AP2B1: variants seen among roughly 807,000 people sequenced by gnomAD.
The protein encoded by AP2B1 is adaptor related protein complex 2 subunit beta 1.
A neutral mutation model predicts 102.0 loss-of-function variants in AP2B1; 23 were observed. The observed-to-expected ratio is 0.23, with a 90% confidence interval of 0.16 to 0.32. AP2B1 has a LOEUF of 0.32. AP2B1 is among the 10% of genes least tolerant of loss of function. The pLI is 1.00. For missense variants in AP2B1, 541 were observed against 1,157.4 expected, an observed-to-expected ratio of 0.47 and a Z score of 7.73; for synonymous variants, 381 against 421.2, an observed-to-expected ratio of 0.90 and a Z score of 1.17.
intron 2 of AP2B1, chr17:35,596,926 C>T: frequency 4.2e-6 from 3 of 708,654 alleles, no homozygotes; most frequent in Non-Finnish European, 7.9e-6. Context: ...CCCCGATGCC[C>T]TATGCCAGGA....
intron 18 of AP2B1, among the ~76,000 whole-genome samples, chr17:35,686,564 C>CTTTT (rs1307158833): frequency 6.6e-6 from 1 of 152,176 alleles, no homozygotes; most frequent in Non-Finnish European, 1.5e-5. Context: ...GCTTGGCCTC[C>CTTTT]TTTTTCCAGG....
chr17:35,653,419 C>T (rs916633926), intron 13 of AP2B1, among the ~76,000 whole-genome samples: 3 of 152,212 alleles, frequency 2.0e-5, no homozygotes, highest in Non-Finnish European at 4.4e-5. Flanking sequence ...AAGCTTACTT[C>T]TCTAGCTCTG....
At chr17:35,703,563 G>A (rs2076281690) in intron 18 of AP2B1, among the ~76,000 whole-genome samples, 1 of 152,138 alleles carries the variant, frequency 6.6e-6, no homozygotes, top group African/African-American at 2.4e-5. Flanking sequence ...ATTATCCTTA[G>A]CAAACTAACA....
At chr17:35,670,033 T>G (rs916862675) in intron 14 of AP2B1, among the ~76,000 whole-genome samples, 16 of 152,242 alleles carry the variant, frequency 1.1e-4, no homozygotes, top group Admixed American at 8.5e-4. Flanking sequence ...GAAGACCGAC[T>G]TCAGAGTGAA....
At chr17:35,606,058 C>T (rs1329153273) in intron 4 of AP2B1, among the ~76,000 whole-genome samples, 1 of 152,110 alleles carries the variant, frequency 6.6e-6, no homozygotes, top group Non-Finnish European at 1.5e-5. Flanking sequence ...TAGAAGAAAA[C>T]CTGGTGAAAC....
At chr17:35,611,380 C>G (rs74876107) in intron 5 of AP2B1, among the ~76,000 whole-genome samples, 1 of 152,156 alleles carries the variant, frequency 6.6e-6, no homozygotes, top group Non-Finnish European at 1.5e-5. Context: ...GGCAGCATCT[C>G]TATGCTAATG....
At chr17:35,715,397 G>A (rs1316231151) in intron 20 of AP2B1, among the ~76,000 whole-genome samples, 1 of 152,208 alleles carries the variant, frequency 6.6e-6, no homozygotes, top group Non-Finnish European at 1.5e-5. Flanking sequence ...TAGGAATCTG[G>A]CCCTTGCCAC....
intron 10 of AP2B1, among the ~76,000 whole-genome samples, chr17:35,637,544 G>A (rs2074643361): frequency 6.6e-6 from 1 of 151,990 alleles, no homozygotes; most frequent in South Asian, 2.1e-4. Context: ...GCTTAGTGGT[G>A]GGCTCAAGAA....
At chr17:35,635,541 G>A (rs990785517) in intron 9 of AP2B1, among the ~76,000 whole-genome samples, 2 of 151,594 alleles carry the variant, frequency 1.3e-5, no homozygotes, top group Non-Finnish European at 2.9e-5. Context: ...CTGCCACCAC[G>A]CCCGGCTAAT....
chr17:35,608,466 T>G, intron 5 of AP2B1, 79 bp downstream of exon 5: 1 of 1,529,252 alleles, frequency 6.5e-7, no homozygotes, highest in Non-Finnish European at 9.0e-7. Flanking sequence ...ATGAACCTTG[T>G]CTTTGGAATA....
At position 35,633,129 on chromosome 17, in the gene AP2B1, G is replaced by A. The variant is rs150797707; in HGVS notation, c.1156-3212G>A. Among the ~76,000 whole-genome samples, 364 of 152,174 alleles carry A rather than the reference G, an allele frequency of 2.4e-3. 1 individual carries two copies. Among genetic ancestry groups the A allele is most frequent in the African/African-American group, 8.1e-3 (337 of 41,506 alleles). On this transcript the variant is annotated intron_variant, in intron 9 of 21. Coordinates refer to ENST00000610402, the MANE Select transcript of AP2B1 (RefSeq NM_001030006.2). ...TCTAATCCCAGCGCTTTGGGAGGCC[G>A]AGTTGGGCGGATCATGAGGTCAGGA...
chr17:35,610,905 C>T (rs2073841447), intron 5 of AP2B1, among the ~76,000 whole-genome samples: 1 of 56,542 alleles, frequency 1.8e-5, no homozygotes, highest in Non-Finnish European at 3.3e-5. Flanking sequence ...AGACTCTTGT[C>T]TCAAAAAAAA....
chr17:35,647,635 G>C (rs1486712376), intron 12 of AP2B1, among the ~76,000 whole-genome samples: 3 of 151,992 alleles, frequency 2.0e-5, no homozygotes, highest in Non-Finnish European at 4.4e-5. Flanking sequence ...TGTTCTATAT[G>C]CTTTTCGTCT....
chr17:35,714,871 C>A (rs1236890848), intron 20 of AP2B1, among the ~76,000 whole-genome samples: 1 of 152,184 alleles, frequency 6.6e-6, no homozygotes, highest in African/African-American at 2.4e-5. Context: ...TATTACATTA[C>A]ATTCTCATTA....
In AP2B1 at chr17:35,630,510, CAT is replaced by C. The variant is rs1442619147; in HGVS notation, c.1155+2786_1155+2787del. ...TGGTTTTGTTCTCTTCACTAGTGTA[CAT>C]AGCCATCTTTTCCACAAGACTGCCA... On this transcript the variant is annotated intron_variant, in intron 9 of 21. Transcript: ENST00000610402. Among the ~76,000 whole-genome samples, 3 of 152,138 alleles carry C rather than the reference CAT, an allele frequency of 2.0e-5. No individual in the cohort carries two copies. In the East Asian group the frequency reaches 5.8e-4, roughly 29 times the overall value.
At chr17:35,723,502 T>C (rs1187973950) in intron 21 of AP2B1, 123 bp from the exon 22 acceptor site, 1 of 655,598 alleles carries the variant, frequency 1.5e-6, no homozygotes, top group Non-Finnish European at 2.8e-6. Context: ...TTTGTTTAGC[T>C]ACTCCAGTGA....
At position 35,671,013 on chromosome 17, in the gene AP2B1, C is replaced by G. The variant is rs1205527646; in HGVS notation, c.2031+115C>G. On this transcript the variant is annotated intron_variant, in intron 15 of 21. Coordinates refer to ENST00000610402, the MANE Select transcript of AP2B1 (RefSeq NM_001030006.2). Reference sequence around the variant, plus strand: ...GCTGTCTAGCACTGCACACCAAAACCTCTATAACAGTATATGGGTAGTAGA... The same window carrying G: ...GCTGTCTAGCACTGCACACCAAAACGTCTATAACAGTATATGGGTAGTAGA... The G allele has an allele frequency of 2.8e-6, 3 of 1,075,106 alleles. No individual in the cohort carries two copies. In the African/African-American group the frequency reaches 4.7e-5, roughly 17 times the overall value. 66.6% of individuals were successfully genotyped at this position (1,075,106 alleles called of 1,614,324 possible). A position where few individuals can be genotyped will look rare whatever the true frequency, so the allele number is the denominator to read the frequency against.
At chr17:35,635,752 A>G (rs1744148173) in intron 9 of AP2B1, among the ~76,000 whole-genome samples, 1 of 152,076 alleles carries the variant, frequency 6.6e-6, no homozygotes, top group Non-Finnish European at 1.5e-5. Flanking sequence ...GCTGGAGTAC[A>G]ATGGCGCGAT....
intron 21 of AP2B1, among the ~76,000 whole-genome samples, chr17:35,720,573 A>ATATATATTTTT (rs1324333805): frequency 2.1e-4 from 6 of 28,062 alleles, no homozygotes; most frequent in Non-Finnish European, 3.7e-4. Context: ...ATATATATAT[A>ATATATATTTTT]TTTTTTTTTT....
Sources: allele counts gnomAD v4.1 joint callset (sites outside exome capture counted in the v4.1 genomes callset), GRCh38; gene constraint gnomAD v4.1.1; transcripts MANE v1.5; gene names NCBI Gene and HGNC (gene_info 2026-07-23, HGNC 2026-07-21).